Variants in CCDC9 observed in about 807,000 individuals in gnomAD.
CCDC9 encodes coiled-coil domain containing 9.
In CCDC9, 52 loss-of-function variants were observed where a neutral mutation model predicts 65.6. The observed-to-expected ratio is 0.79, with a 90% CI of 0.63 to 1.00. CCDC9 has a LOEUF of 1.00. CCDC9 is among the 50% of genes least tolerant of loss of function. CCDC9 has a pLI of 0.00. For synonymous variants in CCDC9, 332 were observed against 280.3 expected (o/e 1.18, Z -1.84); for missense variants, 834 against 757.2 (o/e 1.10, Z -1.19).
Position 47,260,818 on chromosome 19 carries a change from A to C in CCDC9, c.441A>C (p.Ser147=). ...ACCTCTCTGGAGCTGGAGACACCTC[A>C]ATCTCTGACCGTAAATCCAAGGTAG... The part of the protein sequence containing the change: ...SPHLSGAGDT[S]ISDRKSKEWE... The change falls in exon 5 of 12, where the codon TCA becomes TCC. Residue 147 remains serine, a synonymous_variant. Transcript: ENST00000221922. 1 of 1,612,988 alleles carries C rather than the reference A, an allele frequency of 6.2e-7. No individual in the cohort carries two copies. Among genetic ancestry groups the C allele is most frequent in the Non-Finnish European group, 8.5e-7 (1 of 1,179,534 alleles).
intron 8 of CCDC9, 101 bp from the exon 9 acceptor site, chr19:47,270,306 C>G (rs2059107314): frequency 8.7e-7 from 1 of 1,145,882 alleles, no homozygotes; most frequent in South Asian, 1.3e-5. Context: ...GGTTGACCGT[C>G]TGTCTCTGAT....
chr19:47,263,912 T>A (rs1488738490), intron 5 of CCDC9, among the ~76,000 whole-genome samples: 1 of 141,420 alleles, frequency 7.1e-6, no homozygotes, highest in African/African-American at 2.7e-5. Context: ...AGAGTCCTAC[T>A]CTGTTGCCCA....
chr19:47,273,271 C>A (rs913468300), downstream of CCDC9: 5 of 780,778 alleles, frequency 6.4e-6, no homozygotes, highest in Non-Finnish European at 6.9e-6. Flanking sequence ...GGATGAGAGA[C>A]GTGGCTAGAC....
downstream of CCDC9, chr19:47,275,227 C>T (rs1450051548): frequency 2.0e-6 from 3 of 1,531,020 alleles, no homozygotes; most frequent in South Asian, 1.2e-5. Context: ...CCCGGCGGGC[C>T]GCGACCCCAG....
At chr19:47,273,610 A>G (rs956640962), downstream of CCDC9, 98 of 397,606 alleles carry the variant, frequency 2.5e-4, no homozygotes, top group Non-Finnish European at 3.9e-4. Flanking sequence ...GGGCCAGGGC[A>G]GTAGTCGGGT....
downstream of CCDC9, chr19:47,275,347 A>G (rs1269504308): frequency 1.3e-6 from 2 of 1,539,064 alleles, no homozygotes; most frequent in Admixed American, 2.0e-5. Context: ...AGACCCGGGT[A>G]ACTCTCCCTT....
intron 7 of CCDC9, among the ~76,000 whole-genome samples, 155 bp downstream of exon 7, chr19:47,265,101 A>C (rs1361641706): frequency 3.3e-5 from 5 of 151,432 alleles, no homozygotes; most frequent in Non-Finnish European, 7.4e-5. Context: ...TCTGTCACCC[A>C]TTCTGGAGTG....
chr19:47,263,695 A>G (rs906302868), intron 5 of CCDC9, among the ~76,000 whole-genome samples: 1 of 151,790 alleles, frequency 6.6e-6, no homozygotes, highest in Non-Finnish European at 1.5e-5. Context: ...CCTCCCAAGT[A>G]GCTGGGATTA....
chr19:47,265,984 CTTTTT>C (rs1158302196), intron 7 of CCDC9, among the ~76,000 whole-genome samples: 2 of 72,626 alleles, frequency 2.8e-5, no homozygotes, highest in Non-Finnish European at 4.6e-5. Context: ...CCGCTCCTGG[CTTTTT>C]TTTTTTTTTT....
At chr19:47,275,012 T>A (rs1317063749), downstream of CCDC9, 9 of 1,479,442 alleles carry the variant, frequency 6.1e-6, no homozygotes, top group Non-Finnish European at 8.0e-6. Flanking sequence ...TGCGCTTGGC[T>A]CCGGTATGCG....
downstream of CCDC9, chr19:47,274,091 T>C: frequency 1.7e-6 from 1 of 575,134 alleles, no homozygotes; most frequent in Non-Finnish European, 2.2e-6. Context: ...CAGAGCCTAG[T>C]CTGGACCCCT....
Position 47,258,542 on chromosome 19 carries a change from C to T in CCDC9, c.4-17C>T. On this transcript the variant is annotated splice_polypyrimidine_tract_variant and intron_variant, in intron 2 of 11. Coordinates refer to ENST00000221922, the MANE Select transcript of CCDC9 (RefSeq NM_015603.3). ...GGAGGTTTTTCCTTCCATCCCTCAA[C>T]TGCCTCCCGGTCTCAGGCAGCCACA... 6.2e-7 allele frequency: 1 copy of T among 1,611,320 alleles called. No individual in the cohort carries two copies. The highest frequency in any genetic ancestry group is 8.5e-7 in the Non-Finnish European group (1 of 1,177,450).
intron 3 of CCDC9, among the ~76,000 whole-genome samples, chr19:47,259,829 T>A (rs2059033189): frequency 6.6e-6 from 1 of 152,020 alleles, no homozygotes; most frequent in Non-Finnish European, 1.5e-5. Context: ...GCAAATGGGA[T>A]GAGAACAGAG....
chr19:47,266,855 C>T (rs1436974481), intron 8 of CCDC9, 63 bp downstream of exon 8: 31 of 1,532,566 alleles, frequency 2.0e-5, no homozygotes, highest in South Asian at 1.2e-4. Context: ...ACTTCTAAGT[C>T]CTATGCCTCT....
intron 5 of CCDC9, among the ~76,000 whole-genome samples, chr19:47,261,222 C>T (rs988866215): frequency 2.0e-5 from 3 of 152,230 alleles, no homozygotes; most frequent in African/African-American, 7.2e-5. Flanking sequence ...GCCCACTCAT[C>T]CTCCGTCCCC....
rs141613026 is a variant in CCDC9, at chr19:47,259,503, G to A, written c.109-818G>A. The stretch of plus-strand genomic sequence containing the variant: ...GGCTCAGGGCAGGGCTGTTGAGAGG[G>A]ACTCAGTTACTGATGGGCAGTTCAG... On this transcript the variant is annotated intron_variant, in intron 3 of 11. Coordinates refer to ENST00000221922, the MANE Select transcript of CCDC9 (RefSeq NM_015603.3). Among the ~76,000 whole-genome samples, 1,078 of 152,250 alleles carry A rather than the reference G, an allele frequency of 7.1e-3. 6 individuals are homozygous for A. The highest frequency in any genetic ancestry group is 0.034 in the Middle Eastern group (10 of 294).
At chr19:47,273,626 C>A (rs2059137988), downstream of CCDC9, 4 of 394,510 alleles carry the variant, frequency 1.0e-5, no homozygotes, top group Non-Finnish European at 1.3e-5. Context: ...CGGGTGCAGG[C>A]CCCACCAACG....
downstream of CCDC9, chr19:47,272,113 C>G (rs1436421383): frequency 6.5e-6 from 8 of 1,236,000 alleles, no homozygotes; most frequent in Admixed American, 4.1e-5. Context: ...TGGGCCCAGC[C>G]TCCGAGGAAC....
Position 47,266,633 on chromosome 19 carries a change from G to A in CCDC9, c.743G>A (p.Ser248Asn). ...ERQGRRAGLGSAGDMTLSMTG... is the reference protein window; with the variant it reads ...ERQGRRAGLGNAGDMTLSMTG... ...CAGGGCCGCCGAGCTGGCCTGGGCA[G>A]TGCTGGAGACATGACGTTGTCCATG... is the stretch of plus-strand genomic sequence containing the variant. Residue 248 changes from serine (S) to asparagine (N), a missense_variant, in exon 8 of 12, where the codon AGT becomes AAT. Transcript: ENST00000221922. 1.3e-6 allele frequency: 2 copies of A among 1,575,672 alleles called. No individual in the cohort carries two copies. Among genetic ancestry groups the A allele is most frequent in the Non-Finnish European group, 1.7e-6 (2 of 1,160,224 alleles).
Sources: gnomAD v4.1 joint callset for allele counts (sites outside exome capture counted in the v4.1 genomes callset) on GRCh38, gnomAD v4.1.1 for gene constraint, MANE v1.5 for transcripts, NCBI Gene and HGNC (gene_info 2026-07-23, HGNC 2026-07-21) for gene names.